Variants in FCHSD2 observed in about 807,000 individuals in gnomAD.
FCHSD2 encodes FCH and double SH3 domains 2.
In FCHSD2, 38 loss-of-function variants were observed where a neutral mutation model predicts 108.1. That is an observed-to-expected ratio of 0.35 (90% CI 0.27 to 0.46). The LOEUF (loss-of-function observed/expected upper bound fraction) is 0.46, where lower values mean the gene tolerates loss of function less well. FCHSD2 is among the 20% of genes least tolerant of loss of function. The probability of loss-of-function intolerance (pLI) is 1.00; values close to 1 mark genes in which losing one functional copy is unlikely to be tolerated. For missense variants in FCHSD2, 751 were observed against 897.8 expected (o/e 0.84, Z 2.09); for synonymous variants, 279 against 314.7 (o/e 0.89, Z 1.20).
chr11:73,081,231 C>T lies in FCHSD2; in HGVS notation c.165+2464G>A, dbSNP rs1222471182. On this transcript the variant is annotated intron_variant, in intron 3 of 19. Transcript: ENST00000409418. Reference sequence around the variant, plus strand: ...CAGGTGGATCACAAGGTCAAGAGATCGAGATCATCTTGCCCACTATGGTGA... The same window carrying T: ...CAGGTGGATCACAAGGTCAAGAGATTGAGATCATCTTGCCCACTATGGTGA... Among the ~76,000 whole-genome samples the T allele has an allele frequency of 5.9e-5, 9 of 151,974 alleles. No homozygotes were observed. In the East Asian group the frequency reaches 9.7e-4, roughly 16 times the overall value.
At chr11:72,979,322 T>A (rs753292193) in intron 8 of FCHSD2, among the ~76,000 whole-genome samples, 1 of 151,840 alleles carries the variant, frequency 6.6e-6, no homozygotes, top group Non-Finnish European at 1.5e-5. Context: ...TCCCAAAAAG[T>A]ACAACATAAT....
chr11:72,931,245 C>T (rs1856184871), intron 8 of FCHSD2, among the ~76,000 whole-genome samples: 1 of 145,666 alleles, frequency 6.9e-6, no homozygotes, highest in Non-Finnish European at 1.5e-5. Flanking sequence ...CAGGCTTGCA[C>T]CACCATGCAC....
intron 9 of FCHSD2, among the ~76,000 whole-genome samples, chr11:72,920,500 A>C (rs1217918967): frequency 6.6e-6 from 1 of 152,088 alleles, no homozygotes; most frequent in East Asian, 1.9e-4. Flanking sequence ...CAGCACTTTG[A>C]GAGGCAAGGC....
intron 8 of FCHSD2, among the ~76,000 whole-genome samples, chr11:72,940,314 T>C (rs1856389427): frequency 6.6e-6 from 1 of 152,242 alleles, no homozygotes; most frequent in South Asian, 2.1e-4. Context: ...CAAAGCATGT[T>C]AGTATTTTAG....
At chr11:73,095,876 C>A (rs548601877) in intron 2 of FCHSD2, among the ~76,000 whole-genome samples, 2 of 151,848 alleles carry the variant, frequency 1.3e-5, no homozygotes, top group South Asian at 4.2e-4. Context: ...ATGAACAGCC[C>A]TGCAGCAGCA....
At chr11:73,113,874 T>C (rs1416267304) in intron 2 of FCHSD2, among the ~76,000 whole-genome samples, 2 of 152,190 alleles carry the variant, frequency 1.3e-5, no homozygotes, top group Non-Finnish European at 2.9e-5. Flanking sequence ...TTGGTTAAGA[T>C]CCAGAAGAAT....
intron 3 of FCHSD2, among the ~76,000 whole-genome samples, chr11:73,023,705 A>T (rs1858161652): frequency 6.6e-6 from 1 of 152,226 alleles, no homozygotes; most frequent in African/African-American, 2.4e-5. Flanking sequence ...TCACAAAAAA[A>T]CCTGAGCACA....
chr11:73,125,518 A>C (rs1321488458), intron 2 of FCHSD2, among the ~76,000 whole-genome samples: 1 of 152,112 alleles, frequency 6.6e-6, no homozygotes, highest in African/African-American at 2.4e-5. Context: ...TGCCTGGGAG[A>C]CATAGTAAGA....
chr11:73,104,082 G>C (rs1443676759), intron 2 of FCHSD2, among the ~76,000 whole-genome samples: 1 of 152,228 alleles, frequency 6.6e-6, no homozygotes, highest in Non-Finnish European at 1.5e-5. Flanking sequence ...ATTGTGCACA[G>C]AACTCATCTT....
At position 73,140,143 on chromosome 11, in the gene FCHSD2, A is replaced by G. The variant is rs1861212981; in HGVS notation, c.22-15T>C. On this transcript the variant is annotated splice_polypyrimidine_tract_variant and intron_variant, in intron 1 of 19. Transcript: ENST00000409418. Reference sequence around the variant, plus strand: ...GTAACTTTCACCTAAAATATACCATATATTTATGAAGGTCTTTTTACAAAT... The same window carrying G: ...GTAACTTTCACCTAAAATATACCATGTATTTATGAAGGTCTTTTTACAAAT... The G allele has an allele frequency of 6.9e-7, 1 of 1,440,498 alleles. No individual in the cohort carries two copies. The allele number at this position is 1,440,498 out of a possible 1,614,324, so 89.2% of individuals were successfully genotyped here.
At chr11:73,034,860 C>T (rs1471863586) in intron 3 of FCHSD2, among the ~76,000 whole-genome samples, 2 of 152,178 alleles carry the variant, frequency 1.3e-5, no homozygotes, top group South Asian at 2.1e-4. Flanking sequence ...AGAACCAAGA[C>T]TGTCAATCTG....
intron 3 of FCHSD2, among the ~76,000 whole-genome samples, chr11:73,068,699 C>A (rs1859354899): frequency 6.6e-6 from 1 of 151,404 alleles, no homozygotes; most frequent in South Asian, 2.1e-4. Context: ...GCCAGGTGCA[C>A]TGGCTCATGT....
At chr11:73,136,611 T>C (rs1005125168) in intron 2 of FCHSD2, among the ~76,000 whole-genome samples, 1 of 152,214 alleles carries the variant, frequency 6.6e-6, no homozygotes, top group African/African-American at 2.4e-5. Flanking sequence ...CTATTTGTAC[T>C]TTTCTAAGTG....
Position 73,141,942 on chromosome 11 carries a change from G to A in FCHSD2, c.-65C>T. On this transcript the variant is annotated 5_prime_UTR_variant, in exon 1 of 20. Transcript: ENST00000409418. ...AGCAAGGACCAGGAGGAGGAGGAGG[G>A]CCGGAGAGGAGGGGACGGCCCAGCG... 1.3e-6 allele frequency: 2 copies of A among 1,487,344 alleles called. No homozygotes were observed. Among genetic ancestry groups the A allele is most frequent in the Non-Finnish European group, 1.8e-6 (2 of 1,104,052 alleles). The allele number at this position is 1,487,344 out of a possible 1,614,324, so 92.1% of individuals were successfully genotyped here. A position where few individuals can be genotyped will look rare whatever the true frequency, so the allele number is the denominator to read the frequency against.
At chr11:73,034,196 T>A (rs1858433483) in intron 3 of FCHSD2, among the ~76,000 whole-genome samples, 1 of 152,194 alleles carries the variant, frequency 6.6e-6, no homozygotes, top group African/African-American at 2.4e-5. Flanking sequence ...CATCTAGGTT[T>A]TAAGCCCTAC....
At chr11:72,897,120 AC>A (rs1855437353) in intron 10 of FCHSD2, among the ~76,000 whole-genome samples, 2 of 152,156 alleles carry the variant, frequency 1.3e-5, no homozygotes, top group Non-Finnish European at 2.9e-5. Context: ...GGCGTGAGCC[AC>A]CACGCCCGGC....
intron 3 of FCHSD2, among the ~76,000 whole-genome samples, chr11:73,028,098 C>T (rs1858271366): frequency 1.3e-5 from 2 of 152,308 alleles, no homozygotes; most frequent in African/African-American, 4.8e-5. Context: ...ACACAGAATG[C>T]TCACAGGGGC....
chr11:73,056,057 C>G (rs1348848994), intron 3 of FCHSD2, among the ~76,000 whole-genome samples: 6 of 152,256 alleles, frequency 3.9e-5, no homozygotes, highest in African/African-American at 1.4e-4. Flanking sequence ...AAGCCCCACC[C>G]CATAAAAAAA....
intron 10 of FCHSD2, among the ~76,000 whole-genome samples, chr11:72,892,033 T>C (rs1191373840): frequency 1.3e-5 from 2 of 152,206 alleles, no homozygotes; most frequent in East Asian, 3.8e-4. Context: ...ATTGAAGATA[T>C]ATTGAAAGAT....
Sources: gnomAD v4.1 joint callset for allele counts (sites outside exome capture counted in the v4.1 genomes callset) on GRCh38, gnomAD v4.1.1 for gene constraint, MANE v1.5 for transcripts, NCBI Gene and HGNC (gene_info 2026-07-23, HGNC 2026-07-21) for gene names.